GPHN: variants seen among roughly 807,000 people sequenced by gnomAD.
GPHN encodes gephyrin.
A neutral mutation model predicts 95.5 loss-of-function variants in GPHN; 17 were observed. That is an observed-to-expected ratio of 0.18 (90% CI 0.12 to 0.27). GPHN has a LOEUF of 0.27. Among genes scored for constraint, GPHN ranks in the 10% least tolerant of loss-of-function variants. GPHN has a pLI of 1.00. For synonymous variants in GPHN, 320 were observed against 322.5 expected (o/e 0.99, Z 0.08); for missense variants, 660 against 978.1 (o/e 0.67, Z 4.34).
the GPHN span, among the ~76,000 whole-genome samples, chr14:67,421,636 G>T: frequency 1.3e-5 from 2 of 152,110 alleles, no homozygotes; most frequent in African/African-American, 4.8e-5. Context: ...AATGAAGGAG[G>T]GCCTATAGGA....
the GPHN span, chr14:67,450,110 C>CT: frequency 0.019 from 2,747 of 147,074 alleles, 36 homozygotes; most frequent in African/African-American, 0.03. Context: ...TGCACAATCT[C>CT]TTTTTTTTTT....
At chr14:66,554,969 A>G (rs1224413387) in intron 1 of GPHN, among the ~76,000 whole-genome samples, 1 of 152,176 alleles carries the variant, frequency 6.6e-6, no homozygotes, top group East Asian at 1.9e-4. Context: ...ACCCAAAGAT[A>G]CTATGACAGT....
chr14:67,359,747 G>A, the GPHN span: 2 of 1,609,286 alleles, frequency 1.2e-6, no homozygotes, highest in Non-Finnish European at 1.7e-6. Context: ...AACCGAGGCT[G>A]CAATAGCTCC....
At chr14:67,351,949 TG>T in the GPHN span, among the ~76,000 whole-genome samples, 1 of 141,990 alleles carries the variant, frequency 7.0e-6, no homozygotes, top group Non-Finnish European at 1.5e-5. Context: ...AAAATCAAAT[TG>T]TCAATAAGCA....
chr14:67,286,231 GC>G, the GPHN span, among the ~76,000 whole-genome samples: 1 of 152,138 alleles, frequency 6.6e-6, no homozygotes, highest in South Asian at 2.1e-4. Flanking sequence ...TCCCAACCTA[GC>G]ACATATATCA....
intron 2 of GPHN, among the ~76,000 whole-genome samples, chr14:66,747,989 G>A (rs914158594): frequency 6.6e-6 from 1 of 151,998 alleles, no homozygotes; most frequent in Non-Finnish European, 1.5e-5. Flanking sequence ...GTATCAATAA[G>A]TAGGATCATG....
intron 9 of GPHN, among the ~76,000 whole-genome samples, chr14:66,998,737 T>G (rs2071987922): frequency 6.6e-6 from 1 of 152,156 alleles, no homozygotes; most frequent in Non-Finnish European, 1.5e-5. Context: ...CACTATCTTC[T>G]GTGTCATTCA....
chr14:67,181,824 A>G (rs1403062046), downstream of GPHN: 2 of 178,962 alleles, frequency 1.1e-5, no homozygotes, highest in African/African-American at 4.7e-5. Context: ...TGGCCTCGTT[A>G]TTTAAAGAGA....
chr14:66,817,943 A>T (rs1056150829), intron 3 of GPHN, among the ~76,000 whole-genome samples: 1 of 152,174 alleles, frequency 6.6e-6, no homozygotes, highest in Middle Eastern at 3.4e-3. Context: ...AATAGACCCC[A>T]CCTCCTGACA....
chr14:67,381,552 T>C, the GPHN span: 1 of 1,494,836 alleles, frequency 6.7e-7, no homozygotes, highest in African/African-American at 1.4e-5. Context: ...TTTAAATATT[T>C]TTTGCATTTT....
At chr14:67,659,691 T>A in the GPHN span, 2 of 1,558,082 alleles carry the variant, frequency 1.3e-6, no homozygotes, top group Admixed American at 2.0e-5. Context: ...CCACAGGCCC[T>A]TAAAGGAAAA....
At chr14:66,944,255 C>A (rs111251890) in intron 8 of GPHN, among the ~76,000 whole-genome samples, 1 of 152,114 alleles carries the variant, frequency 6.6e-6, no homozygotes, top group Non-Finnish European at 1.5e-5. Flanking sequence ...AAATCCAAGG[C>A]GGTTCATGGA....
At chr14:67,285,087 C>T in the GPHN span, among the ~76,000 whole-genome samples, 2 of 152,070 alleles carry the variant, frequency 1.3e-5, no homozygotes, top group Non-Finnish European at 2.9e-5. Context: ...GATGTAATTT[C>T]CTCCTACTTA....
the GPHN span, among the ~76,000 whole-genome samples, chr14:67,513,522 C>T: frequency 5.3e-5 from 8 of 152,224 alleles, no homozygotes; most frequent in Non-Finnish European, 8.8e-5. Flanking sequence ...CCCCACCCAA[C>T]GCCTGCCATG....
At chr14:66,554,221 A>G (rs2059926937) in intron 1 of GPHN, among the ~76,000 whole-genome samples, 1 of 152,220 alleles carries the variant, frequency 6.6e-6, no homozygotes, top group Admixed American at 6.5e-5. Flanking sequence ...AGATAGGGAT[A>G]GAAATAAAAT....
chr14:67,568,796 G>C, the GPHN span, among the ~76,000 whole-genome samples: 2 of 152,136 alleles, frequency 1.3e-5, no homozygotes, highest in South Asian at 2.1e-4. Context: ...CAGAGCAACA[G>C]TTTACTGACC....
intron 1 of GPHN, among the ~76,000 whole-genome samples, chr14:66,542,817 T>A (rs888963083): frequency 6.6e-6 from 1 of 152,244 alleles, no homozygotes; most frequent in Non-Finnish European, 1.5e-5. Context: ...AAATCCAGTA[T>A]AATTAGGCTT....
intron 10 of GPHN, among the ~76,000 whole-genome samples, chr14:67,052,988 A>G (rs1375199307): frequency 6.6e-6 from 1 of 151,968 alleles, no homozygotes; most frequent in African/African-American, 2.4e-5. Context: ...CCCACATCAG[A>G]AAGTTAAAAG....
At chr14:67,225,083 T>C in the GPHN span, 37 of 1,532,470 alleles carry the variant, frequency 2.4e-5, no homozygotes, top group Admixed American at 4.3e-5. Context: ...GATCTCTCCT[T>C]TACTTTCCTT....
Sources: gnomAD v4.1 joint callset for allele counts (sites outside exome capture counted in the v4.1 genomes callset) on GRCh38, gnomAD v4.1.1 for gene constraint, MANE v1.5 for transcripts, NCBI Gene and HGNC (gene_info 2026-07-23, HGNC 2026-07-21) for gene names.